The following SLC22A3 variants were observed in gnomAD, a reference collection of about 807,000 sequenced individuals.
SLC22A3 encodes EMT organic cation transporter 3.
Under a neutral mutation model 59.1 loss-of-function variants are expected in SLC22A3, and 51 were observed. That is an observed-to-expected ratio of 0.86 (90% CI 0.69 to 1.09). SLC22A3 has a LOEUF of 1.09. Among genes scored for constraint, SLC22A3 ranks in the 50% least tolerant of loss-of-function variants. The pLI is 0.00. For synonymous variants in SLC22A3, 325 were observed against 292.0 expected, an observed-to-expected ratio of 1.11 and a Z score of -1.15; for missense variants, 711 against 726.3, an observed-to-expected ratio of 0.98 and a Z score of 0.24.
chr6:160,445,279 G>A (rs977284223), intron 9 of SLC22A3, among the ~76,000 whole-genome samples: 1 of 152,196 alleles, frequency 6.6e-6, no homozygotes, highest in African/African-American at 2.4e-5. Flanking sequence ...GCAGTGGAAA[G>A]TTCAAAGCAA....
At chr6:160,413,365 A>G (rs1787335854) in intron 5 of SLC22A3, among the ~76,000 whole-genome samples, 1 of 152,372 alleles carries the variant, frequency 6.6e-6, no homozygotes, top group South Asian at 2.1e-4. Flanking sequence ...CTTCCAAGTC[A>G]TTTTAATTTT....
chr6:160,371,910 C>T lies in SLC22A3; in HGVS notation c.429+23062C>T, dbSNP rs561471711. Among the ~76,000 whole-genome samples, 35 of 152,274 alleles carry T rather than the reference C, an allele frequency of 2.3e-4. No individual in the cohort carries two copies. In the Middle Eastern group the frequency reaches 0.01, roughly 44 times the overall value. ...GGTATCTCATTGTGGTTTTGATTTG[C>T]ATTTCTCTAATGACCAGTGATGACA... On this transcript the variant is annotated intron_variant, in intron 1 of 10. Transcript: ENST00000275300.
chr6:160,410,988 A>G lies in SLC22A3; in HGVS notation c.975+142A>G, dbSNP rs1454117492. ...TATATATGTATGTATGTATATATGT[A>G]TACACACACACACACACTACCAAAC... On this transcript the variant is annotated intron_variant, in intron 5 of 10. Coordinates refer to ENST00000275300, the MANE Select transcript of SLC22A3 (RefSeq NM_021977.4). 4 of 470,814 alleles carry G rather than the reference A, an allele frequency of 8.5e-6. No homozygotes were observed. In the Admixed American group the frequency reaches 1.3e-4, roughly 15 times the overall value. The allele number at this position is 470,814 out of a possible 1,614,324, so 29.2% of individuals were successfully genotyped here.
At position 160,410,749 on chromosome 6, in the gene SLC22A3, G is replaced by A. The variant is rs763981569; in HGVS notation, c.878G>A (p.Arg293His). ...LYYWVVPESPRWLITRKKGDK... is the reference protein window; with the variant it reads ...LYYWVVPESPHWLITRKKGDK... ...GCCAGGGTGGTCCCTGAGTCTCCCC[G>A]TTGGCTGATTACTCGGAAGAAAGGA... The change falls in exon 5 of 11, where the codon CGT becomes CAT. Residue 293 changes from arginine to histidine, a missense_variant. By Grantham distance (29) the Arg-to-His change is conservative (BLOSUM62 0). Coordinates refer to ENST00000275300, the MANE Select transcript of SLC22A3 (RefSeq NM_021977.4). 6.8e-6 allele frequency: 11 copies of A among 1,612,730 alleles called. No homozygotes were observed. The highest frequency in any genetic ancestry group is 2.2e-5 in the East Asian group (1 of 44,844).
intron 5 of SLC22A3, among the ~76,000 whole-genome samples, chr6:160,432,677 T>C (rs1458132389): frequency 1.3e-5 from 2 of 152,206 alleles, no homozygotes; most frequent in Admixed American, 6.5e-5. Context: ...CCGCCCGCCT[T>C]GGCCTCCCAA....
At chr6:160,449,672 A>G (rs1483982246) in intron 10 of SLC22A3, among the ~76,000 whole-genome samples, 1 of 152,250 alleles carries the variant, frequency 6.6e-6, no homozygotes, top group African/African-American at 2.4e-5. Flanking sequence ...CTTAAATGCT[A>G]TAATGCTAAC....
intron 1 of SLC22A3, among the ~76,000 whole-genome samples, chr6:160,356,300 C>T (rs1327455516): frequency 1.3e-5 from 2 of 152,216 alleles, no homozygotes; most frequent in African/African-American, 2.4e-5. Flanking sequence ...AGGAGGAAAA[C>T]AGGCCTCCAC....
intron 2 of SLC22A3, 107 bp downstream of exon 2, chr6:160,398,189 G>T: frequency 1.2e-6 from 1 of 821,450 alleles, no homozygotes; most frequent in Non-Finnish European, 2.0e-6. Flanking sequence ...TGCTAAATTC[G>T]CAAACAATTC....
rs923282625 is a variant in SLC22A3, at chr6:160,349,874, G to A, written c.429+1026G>A. 2.0e-5 allele frequency among the ~76,000 whole-genome samples: 3 copies of A among 152,172 alleles called. No homozygotes were observed. In the East Asian group the frequency reaches 5.8e-4, roughly 29 times the overall value. ...GTGATCAGGTACATTAGGAAAAAAG[G>A]TTTGTCTTTTTTTTGTGATAAACTT... On this transcript the variant is annotated intron_variant, in intron 1 of 10. Transcript: ENST00000275300.
chr6:160,446,495 G>A (rs1788750733), intron 9 of SLC22A3, among the ~76,000 whole-genome samples: 1 of 152,162 alleles, frequency 6.6e-6, no homozygotes, highest in Non-Finnish European at 1.5e-5. Flanking sequence ...CATGGTGGCA[G>A]GTAAGAGAAG....
Position 160,395,195 on chromosome 6 carries a change from G to T in SLC22A3, c.430-2784G>T, listed in dbSNP as rs2661844. ...TATAAGAGAAATCCTATTTGACTAT[G>T]CCTTTTATGGGACAGTCAAGAAGAT... On this transcript the variant is annotated intron_variant, in intron 1 of 10. Coordinates refer to ENST00000275300, the MANE Select transcript of SLC22A3 (RefSeq NM_021977.4). 5.2e-3 allele frequency among the ~76,000 whole-genome samples: 797 copies of T among 152,248 alleles called. 12 individuals carry two copies. In the East Asian group the frequency reaches 0.062, roughly 12 times the overall value.
At chr6:160,375,340 C>T (rs1262187376) in intron 1 of SLC22A3, among the ~76,000 whole-genome samples, 2 of 152,188 alleles carry the variant, frequency 1.3e-5, no homozygotes, top group African/African-American at 4.8e-5. Flanking sequence ...ATATAAACTG[C>T]CAAGGAGACA....
intron 5 of SLC22A3, among the ~76,000 whole-genome samples, chr6:160,433,096 G>A (rs866266352): frequency 1.2e-4 from 18 of 152,152 alleles, no homozygotes; most frequent in African/African-American, 4.1e-4. Context: ...TTCACACTAC[G>A]ATGGTAAAGG....
intron 1 of SLC22A3, among the ~76,000 whole-genome samples, chr6:160,361,041 T>C (rs914945517): frequency 1.3e-5 from 2 of 152,170 alleles, no homozygotes; most frequent in African/African-American, 4.8e-5. Flanking sequence ...CAGCATGGTA[T>C]TGGAACAAGA....
At chr6:160,449,330 G>A (rs1788864450) in intron 10 of SLC22A3, among the ~76,000 whole-genome samples, 1 of 151,860 alleles carries the variant, frequency 6.6e-6, no homozygotes, top group Non-Finnish European at 1.5e-5. Flanking sequence ...GATTATACCA[G>A]CAAAAATTTA....
chr6:160,376,960 G>T (rs1324328826), intron 1 of SLC22A3, among the ~76,000 whole-genome samples: 1 of 152,142 alleles, frequency 6.6e-6, no homozygotes, highest in African/African-American at 2.4e-5. Flanking sequence ...TCCTGAAGCT[G>T]GCAGAATCAA....
intron 1 of SLC22A3, among the ~76,000 whole-genome samples, chr6:160,362,075 T>C (rs1482808093): frequency 1.3e-5 from 2 of 152,180 alleles, no homozygotes; most frequent in East Asian, 3.8e-4. Flanking sequence ...ACCCAAGCCT[T>C]CCCAGGAGCT....
chr6:160,408,672 G>C, intron 3 of SLC22A3, 81 bp from the exon 4 acceptor site: 1 of 1,332,828 alleles, frequency 7.5e-7, no homozygotes, highest in Non-Finnish European at 1.1e-6. Context: ...GGATGTAACA[G>C]GTGTAACATC....
At chr6:160,372,263 A>C (rs1262548382) in intron 1 of SLC22A3, among the ~76,000 whole-genome samples, 3 of 151,922 alleles carry the variant, frequency 2.0e-5, no homozygotes, top group African/African-American at 7.3e-5. Context: ...TGTTGGTTTA[A>C]AGTCTGTTAT....
Sources: gnomAD v4.1 joint callset for allele counts (sites outside exome capture counted in the v4.1 genomes callset) on GRCh38, gnomAD v4.1.1 for gene constraint, MANE v1.5 for transcripts, NCBI Gene and HGNC (gene_info 2026-07-23, HGNC 2026-07-21) for gene names.